The following GRM8 variants were observed in gnomAD, a reference collection of about 807,000 sequenced individuals.
The protein encoded by GRM8 is glutamate metabotropic receptor 8.
GRM8 carries 47 observed loss-of-function variants against 87.2 expected under a neutral mutation model. That is an observed-to-expected ratio of 0.54 (90% CI 0.43 to 0.69). GRM8 has a LOEUF of 0.69. Among genes scored for constraint, GRM8 ranks in the 30% least tolerant of loss-of-function variants. GRM8 has a pLI of 0.00. For missense variants in GRM8, 1,019 were observed against 1,139.2 expected (o/e 0.89, Z 1.52); for synonymous variants, 396 against 404.5 (o/e 0.98, Z 0.25).
At chr7:126,616,140 G>T (rs1200800456) in intron 7 of GRM8, among the ~76,000 whole-genome samples, 1 of 152,178 alleles carries the variant, frequency 6.6e-6, no homozygotes, top group East Asian at 1.9e-4. Context: ...GCACTCCTCA[G>T]CAAATGTAAA....
intron 8 of GRM8, among the ~76,000 whole-genome samples, chr7:126,562,706 C>T (rs1793839269): frequency 6.6e-6 from 1 of 152,020 alleles, no homozygotes; most frequent in South Asian, 2.1e-4. Flanking sequence ...ACCAGCCTGA[C>T]CAACATGGAG....
Position 126,778,907 on chromosome 7 carries a change from G to T in GRM8, c.1157-8842C>A, listed in dbSNP as rs548561794. On this transcript the variant is annotated intron_variant, in intron 6 of 10. Transcript: ENST00000339582. ...AATATGGAAAATAAAAGTGTAGAAA[G>T]AAGAAAATAAAAAAAAATCTATTAG... Among the ~76,000 whole-genome samples the T allele has an allele frequency of 2.7e-5, 4 of 150,524 alleles. No individual in the cohort carries two copies. The East Asian group carries it at 5.8e-4, about 22-fold the overall frequency.
At chr7:127,052,482 T>C (rs900861523) in intron 3 of GRM8, among the ~76,000 whole-genome samples, 3 of 152,210 alleles carry the variant, frequency 2.0e-5, no homozygotes, top group Non-Finnish European at 4.4e-5. Context: ...TTTGAAGATA[T>C]ATTTTAAGAC....
intron 9 of GRM8, among the ~76,000 whole-genome samples, chr7:126,472,911 A>G (rs1244562571): frequency 2.6e-5 from 4 of 152,328 alleles, no homozygotes; most frequent in Admixed American, 2.6e-4. Context: ...TTGGCAGTTT[A>G]TAAATGGTGT....
At chr7:126,496,012 T>C (rs1245214147) in intron 9 of GRM8, among the ~76,000 whole-genome samples, 4 of 152,016 alleles carry the variant, frequency 2.6e-5, no homozygotes, top group Non-Finnish European at 5.9e-5. Flanking sequence ...TTCAGTGGTC[T>C]TCTAACTGGA....
chr7:127,016,795 A>G (rs878988049), intron 3 of GRM8, among the ~76,000 whole-genome samples: 1 of 152,150 alleles, frequency 6.6e-6, no homozygotes, highest in Admixed American at 6.6e-5. Context: ...TAGAAGATTC[A>G]TGTTAAATGT....
At position 126,475,244 on chromosome 7, in the gene GRM8, GA is replaced by G. The variant is rs745616726; in HGVS notation, c.2431-28873del. On this transcript the variant is annotated intron_variant, in intron 9 of 10. Coordinates refer to ENST00000339582, the MANE Select transcript of GRM8 (RefSeq NM_000845.3). ...ACATACAGGAAAATCTAAAAACTAT[GA>G]AAAAAACTGTTAGCATAAACAAATT... 8.1e-4 allele frequency among the ~76,000 whole-genome samples: 123 copies of G among 151,798 alleles called. 1 individual carries two copies. The highest frequency in any genetic ancestry group is 1.2e-3 in the Non-Finnish European group (84 of 67,872).
chr7:126,612,147 T>C (rs1284745691), intron 7 of GRM8, among the ~76,000 whole-genome samples: 6 of 152,176 alleles, frequency 3.9e-5, no homozygotes, highest in Non-Finnish European at 8.8e-5. Flanking sequence ...TGAATCAATA[T>C]ATATAAAACA....
chr7:126,493,083 T>C lies in GRM8; in HGVS notation c.2430+39869A>G, dbSNP rs541404676. On this transcript the variant is annotated intron_variant, in intron 9 of 10. Coordinates refer to ENST00000339582, the MANE Select transcript of GRM8 (RefSeq NM_000845.3). ...TGTTTTGTTGAGCTTTGTTTGTTTT[T>C]ATTAGAGAACAGAGTGGATAAAACA... Among the ~76,000 whole-genome samples the C allele has an allele frequency of 9.8e-4, 149 of 152,194 alleles. 1 individual carries two copies. The highest frequency in any genetic ancestry group is 3.3e-3 in the African/African-American group (139 of 41,568).
chr7:126,587,209 A>G (rs1796224831), intron 8 of GRM8, among the ~76,000 whole-genome samples: 1 of 152,190 alleles, frequency 6.6e-6, no homozygotes, highest in African/African-American at 2.4e-5. Context: ...AGAAATAGGA[A>G]CACCTTTACA....
chr7:127,229,998 G>A (rs1471998773), intron 2 of GRM8: 1 of 152,094 alleles, frequency 6.6e-6, no homozygotes, highest in Non-Finnish European at 1.5e-5. Flanking sequence ...TATGCATGTG[G>A]CAAATGAAAA....
chr7:126,992,839 G>A (rs1240460747), intron 3 of GRM8, among the ~76,000 whole-genome samples: 2 of 151,898 alleles, frequency 1.3e-5, no homozygotes, highest in Non-Finnish European at 2.9e-5. Context: ...ATGTGTGTGT[G>A]TGTGTGTGTG....
intron 2 of GRM8, among the ~76,000 whole-genome samples, chr7:127,108,912 A>G (rs2237790): frequency 0.16 from 24,042 of 152,200 alleles, 2,170 homozygotes; most frequent in Non-Finnish European, 0.21. Flanking sequence ...TCACTCTACA[A>G]TAATACACAT....
In GRM8 at chr7:126,814,745, C is replaced by G. The variant is rs117323762; in HGVS notation, c.1157-44680G>C. Among the ~76,000 whole-genome samples, 320 of 151,306 alleles carry G rather than the reference C, an allele frequency of 2.1e-3. 3 individuals carry two copies. Among genetic ancestry groups the G allele is most frequent in the Non-Finnish European group, 4.2e-3 (283 of 67,806 alleles). On this transcript the variant is annotated intron_variant, in intron 6 of 10. Coordinates refer to ENST00000339582, the MANE Select transcript of GRM8 (RefSeq NM_000845.3). Reference sequence around the variant, plus strand: ...ATAATTAAGTCAGAACATACTCATTCTAATGCCATTCTTATATTTTTTTTT... The same window carrying G: ...ATAATTAAGTCAGAACATACTCATTGTAATGCCATTCTTATATTTTTTTTT...
intron 6 of GRM8, among the ~76,000 whole-genome samples, chr7:126,774,852 T>A (rs563546800): frequency 6.6e-6 from 1 of 152,148 alleles, no homozygotes; most frequent in Admixed American, 6.6e-5. Flanking sequence ...TCTAAGAATT[T>A]CCCATTTCTC....
chr7:127,207,060 T>G (rs1422549381), intron 2 of GRM8, among the ~76,000 whole-genome samples: 1 of 152,224 alleles, frequency 6.6e-6, no homozygotes, highest in Non-Finnish European at 1.5e-5. Context: ...CCCAGGTTTC[T>G]GGCTTAGATA....
At chr7:127,041,238 T>A (rs1164638642) in intron 3 of GRM8, among the ~76,000 whole-genome samples, 4 of 152,162 alleles carry the variant, frequency 2.6e-5, no homozygotes, top group African/African-American at 7.2e-5. Flanking sequence ...TGGACTGGGA[T>A]CAGCAGGTTT....
At position 127,108,960 on chromosome 7, in the gene GRM8, GT is replaced by G. The variant is rs1354529889; in HGVS notation, c.511-2249del. Among the ~76,000 whole-genome samples the G allele has an allele frequency of 4.6e-5, 7 of 152,246 alleles. No individual in the cohort carries two copies. The East Asian group carries it at 1.4e-3, about 29-fold the overall frequency. Reference sequence around the variant, plus strand: ...ATAGTATTTCAAGACAAGTTTTCAAGTTTTCATGAAGTCACATCTCATTTTT... The same window carrying G: ...ATAGTATTTCAAGACAAGTTTTCAAGTTTCATGAAGTCACATCTCATTTTT... On this transcript the variant is annotated intron_variant, in intron 2 of 10. Transcript: ENST00000339582.
At chr7:126,752,938 AC>A (rs950520884) in intron 7 of GRM8, among the ~76,000 whole-genome samples, 2 of 152,102 alleles carry the variant, frequency 1.3e-5, no homozygotes, top group Non-Finnish European at 2.9e-5. Context: ...TATATGTGTT[AC>A]TAAACTGCAT....
Sources: gnomAD v4.1 joint callset for allele counts (sites outside exome capture counted in the v4.1 genomes callset) on GRCh38, gnomAD v4.1.1 for gene constraint, MANE v1.5 for transcripts, NCBI Gene and HGNC (gene_info 2026-07-23, HGNC 2026-07-21) for gene names.